ROBO2: variants seen among roughly 807,000 people sequenced by gnomAD.
ROBO2 encodes roundabout guidance receptor 2, also known as roundabout homolog 2.
A neutral mutation model predicts 160.8 loss-of-function variants in ROBO2; 53 were observed. The observed-to-expected ratio is 0.33, with a 90% confidence interval of 0.26 to 0.41. The LOEUF is 0.41. ROBO2 is among the 10% of genes least tolerant of loss of function. The probability of loss-of-function intolerance (pLI) is 1.00; values close to 1 mark genes in which losing one functional copy is unlikely to be tolerated. For synonymous variants in ROBO2, 664 were observed against 611.7 expected (o/e 1.09, Z -1.26); for missense variants, 1,577 against 1,722.4 (o/e 0.92, Z 1.49).
intron 2 of ROBO2, among the ~76,000 whole-genome samples, chr3:75,988,496 T>A (rs2065476980): frequency 6.6e-6 from 1 of 152,112 alleles, no homozygotes; most frequent in African/African-American, 2.4e-5. Context: ...GATTTTTCTC[T>A]ACTTTTTAAA....
chr3:76,894,281 T>A (rs573218999), intron 2 of ROBO2, among the ~76,000 whole-genome samples: 1 of 152,122 alleles, frequency 6.6e-6, no homozygotes, highest in Non-Finnish European at 1.5e-5. Flanking sequence ...TCCCTGTGGA[T>A]CAAAATATGA....
In ROBO2 at chr3:76,144,891, T is replaced by C. The variant is rs546974215; in HGVS notation, c.109+207289T>C. The stretch of plus-strand genomic sequence containing the variant: ...TTTCCTTGTTGAGATGACCATTATC[T>C]GCAGCTACAAGCTGGCTTTCAAAAG... On this transcript the variant is annotated intron_variant, in intron 2 of 26. Transcript: ENST00000487694. Among the ~76,000 whole-genome samples the C allele has an allele frequency of 6.1e-5, 9 of 148,232 alleles. No individual in the cohort carries two copies. The East Asian group carries it at 1.8e-3, about 30-fold the overall frequency.
intron 2 of ROBO2, 36 bp from the exon 3 acceptor site, chr3:77,477,378 G>C: frequency 6.2e-7 from 1 of 1,607,230 alleles, no homozygotes; most frequent in Non-Finnish European, 8.5e-7. Flanking sequence ...AGTTACTGTC[G>C]TTGAGTTTTC....
At chr3:77,248,561 T>C (rs762860552) in intron 2 of ROBO2, among the ~76,000 whole-genome samples, 1 of 152,276 alleles carries the variant, frequency 6.6e-6, no homozygotes, top group South Asian at 2.1e-4. Flanking sequence ...GGGGCCCACA[T>C]GGAGTTTTGC....
intron 2 of ROBO2, among the ~76,000 whole-genome samples, chr3:76,566,952 A>G (rs2084565323): frequency 6.6e-6 from 1 of 152,174 alleles, no homozygotes; most frequent in South Asian, 2.1e-4. Context: ...GAGGCAGTAA[A>G]ACTCAGCTAC....
At position 77,054,922 on chromosome 3, in the gene ROBO2, G is replaced by A. The variant is rs532524922; in HGVS notation, c.61+14076G>A. 2.5e-3 allele frequency among the ~76,000 whole-genome samples: 203 copies of A among 81,850 alleles called. 4 individuals carry two copies. The highest frequency in any genetic ancestry group is 2.3e-3 in the Non-Finnish European group (88 of 38,970). The allele number at this position is 81,850 out of a possible 152,430, so 53.7% of individuals were successfully genotyped here. A position where few individuals can be genotyped will look rare whatever the true frequency, so the allele number is the denominator to read the frequency against. ...AGGCGCCTGCAGTCCACAAAATCTC[G>A]CGTGTATGTGTGTGTGTGTGTGTGT... On this transcript the variant is annotated intron_variant, in intron 1 of 25. Transcript: ENST00000461745.
At chr3:77,425,167 G>A (rs2078065220) in intron 2 of ROBO2, among the ~76,000 whole-genome samples, 1 of 149,626 alleles carries the variant, frequency 6.7e-6, no homozygotes, top group Admixed American at 6.7e-5. Context: ...GCCCAGCAGT[G>A]TGCTAGTTGT....
At chr3:77,007,120 G>A (rs1403168389) in intron 2 of ROBO2, among the ~76,000 whole-genome samples, 1 of 152,088 alleles carries the variant, frequency 6.6e-6, no homozygotes, top group East Asian at 1.9e-4. Flanking sequence ...GGAAAACCAG[G>A]TGGATAAAAG....
intron 2 of ROBO2, among the ~76,000 whole-genome samples, chr3:76,602,351 C>T (rs1409458354): frequency 1.3e-5 from 2 of 152,168 alleles, no homozygotes; most frequent in Non-Finnish European, 2.9e-5. Context: ...GGTATCTTTT[C>T]AGCAAGACCC....
At chr3:77,568,186 C>A in intron 12 of ROBO2, 127 bp from the exon 14 acceptor site, 1 of 1,015,192 alleles carries the variant, frequency 9.9e-7, no homozygotes, top group South Asian at 1.4e-5. Context: ...TGCTTTTTGT[C>A]ACAAGAGAGT....
At chr3:77,154,598 T>C (rs1054194521) in intron 2 of ROBO2, among the ~76,000 whole-genome samples, 5 of 152,012 alleles carry the variant, frequency 3.3e-5, no homozygotes, top group African/African-American at 9.7e-5. Context: ...GTATTCACAA[T>C]AGCAAAGACA....
intron 2 of ROBO2, among the ~76,000 whole-genome samples, chr3:77,341,404 T>C (rs1416589739): frequency 6.6e-6 from 1 of 152,112 alleles, no homozygotes; most frequent in African/African-American, 2.4e-5. Context: ...CCTGAAATAG[T>C]CTTTTACATA....
intron 2 of ROBO2, among the ~76,000 whole-genome samples, chr3:76,429,098 G>A (rs1370286207): frequency 1.3e-5 from 2 of 151,926 alleles, no homozygotes; most frequent in African/African-American, 4.8e-5. Flanking sequence ...GTATTAATTA[G>A]TTCTTCTGGA....
Position 76,159,678 on chromosome 3 carries a change from G to A in ROBO2, c.109+222076G>A, listed in dbSNP as rs762251325. Among the ~76,000 whole-genome samples the A allele has an allele frequency of 4.6e-5, 7 of 152,080 alleles. No homozygotes were observed. In the South Asian group the frequency reaches 8.3e-4, roughly 18 times the overall value. ...TACAAGGGGACTTCAAAAATTTTGT[G>A]GAAAATGAAAGTAAAAACGTTATTT... On this transcript the variant is annotated intron_variant, in intron 2 of 26. Transcript: ENST00000487694.
intron 2 of ROBO2, among the ~76,000 whole-genome samples, chr3:77,154,011 A>G (rs906146051): frequency 6.6e-6 from 1 of 152,114 alleles, no homozygotes; most frequent in African/African-American, 2.4e-5. Flanking sequence ...CTCTGCCAAT[A>G]TGAGCAGGAT....
chr3:76,060,126 A>C (rs1559877169), intron 2 of ROBO2, among the ~76,000 whole-genome samples: 1 of 152,028 alleles, frequency 6.6e-6, no homozygotes, highest in Non-Finnish European at 1.5e-5. Context: ...TTTTAAAGAC[A>C]ATGTGATTTG....
chr3:77,304,656 A>G (rs1353267114), intron 2 of ROBO2, among the ~76,000 whole-genome samples: 1 of 152,154 alleles, frequency 6.6e-6, no homozygotes, highest in Non-Finnish European at 1.5e-5. Flanking sequence ...ACCGCATCTC[A>G]CGAAGGCCAA....
At chr3:76,116,552 T>C (rs2070480247) in intron 2 of ROBO2, among the ~76,000 whole-genome samples, 1 of 152,156 alleles carries the variant, frequency 6.6e-6, no homozygotes, top group Non-Finnish European at 1.5e-5. Context: ...TTTATTCTAG[T>C]TTTGGTGACA....
At chr3:77,038,857 G>T (rs954981976), upstream of ROBO2, among the ~76,000 whole-genome samples, 4 of 152,166 alleles carry the variant, frequency 2.6e-5, no homozygotes, top group African/African-American at 9.7e-5. Flanking sequence ...TTCTTTTTGA[G>T]CTTCCATGAG....
Sources: allele counts gnomAD v4.1 joint callset (sites outside exome capture counted in the v4.1 genomes callset), GRCh38; gene constraint gnomAD v4.1.1; transcripts MANE v1.5; gene names NCBI Gene and HGNC (gene_info 2026-07-23, HGNC 2026-07-21).